Variants in KIF6 observed in about 807,000 individuals in gnomAD.
KIF6 encodes kinesin-like protein KIF6.
A neutral mutation model predicts 112.7 loss-of-function variants in KIF6; 106 were observed. The ratio of observed to expected loss-of-function variants is 0.94; its 90% CI spans 0.80 to 1.11. The LOEUF (loss-of-function observed/expected upper bound fraction) is 1.11. Among genes scored for constraint, KIF6 ranks in the 50% least tolerant of loss-of-function variants. The probability of loss-of-function intolerance (pLI) is 0.00; values close to 1 mark genes in which losing one functional copy is unlikely to be tolerated. For synonymous variants in KIF6, 339 were observed against 339.9 expected (o/e 1.00, Z 0.03); for missense variants, 929 against 964.0 (o/e 0.96, Z 0.48).
rs372112338 is a variant in KIF6, at chr6:39,634,962, A to C, written c.400-4T>G. The C allele has an allele frequency of 8.7e-6, 13 of 1,492,522 alleles. No homozygotes were observed. The highest frequency in any genetic ancestry group is 1.1e-5 in the South Asian group (1 of 88,466). 92.5% of individuals were successfully genotyped at this position (1,492,522 alleles called of 1,614,324 possible). On this transcript the variant is annotated splice_region_variant and splice_polypyrimidine_tract_variant and intron_variant, in intron 4 of 22. Coordinates refer to ENST00000287152, the MANE Select transcript of KIF6 (RefSeq NM_145027.6). The stretch of plus-strand genomic sequence containing the variant: ...TTGTATATATTTTGCTGCTGTCCTG[A>C]TTGGAAAAGGGAAAGGTATTATTTA...
intron 6 of KIF6, among the ~76,000 whole-genome samples, chr6:39,602,029 T>C (rs1782604192): frequency 6.6e-6 from 1 of 152,144 alleles, no homozygotes; most frequent in African/African-American, 2.4e-5. Flanking sequence ...CCCAAGGATA[T>C]TTTGAGAGAT....
intron 3 of KIF6, among the ~76,000 whole-genome samples, chr6:39,652,609 C>A (rs934654048): frequency 6.6e-6 from 1 of 151,648 alleles, no homozygotes; most frequent in Non-Finnish European, 1.5e-5. Context: ...TTTATATATT[C>A]AAATTTTTCT....
At chr6:39,683,444 G>T (rs1787652827) in intron 3 of KIF6, among the ~76,000 whole-genome samples, 1 of 152,248 alleles carries the variant, frequency 6.6e-6, no homozygotes, top group African/African-American at 2.4e-5. Context: ...GACAGATTTG[G>T]ATAAAGAGGA....
intron 13 of KIF6, among the ~76,000 whole-genome samples, chr6:39,480,868 T>C (rs114518227): frequency 0.023 from 3,508 of 152,298 alleles, 66 homozygotes; most frequent in Middle Eastern, 0.044. Flanking sequence ...GAGCCTCAAA[T>C]GATCTTTTGT....
intron 3 of KIF6, among the ~76,000 whole-genome samples, chr6:39,660,241 C>T (rs1786053996): frequency 6.6e-6 from 1 of 152,164 alleles, no homozygotes; most frequent in Admixed American, 6.6e-5. Flanking sequence ...TAGCAAAAGA[C>T]ATTTATGGTG....
chr6:39,400,192 T>A (rs1768585816), intron 15 of KIF6, among the ~76,000 whole-genome samples: 1 of 152,246 alleles, frequency 6.6e-6, no homozygotes, highest in South Asian at 2.1e-4. Context: ...TCCTGGGACA[T>A]GTGGGACTCA....
chr6:39,564,390 T>C (rs549547723), intron 10 of KIF6, among the ~76,000 whole-genome samples: 2 of 152,254 alleles, frequency 1.3e-5, no homozygotes, highest in South Asian at 4.1e-4. Context: ...CTTTGAGGAA[T>C]AGAGTAGAAA....
intron 13 of KIF6, among the ~76,000 whole-genome samples, chr6:39,535,740 C>T (rs1778380761): frequency 6.6e-6 from 1 of 152,142 alleles, no homozygotes; most frequent in African/African-American, 2.4e-5. Context: ...AACTCTCCAC[C>T]CAAAATCAAC....
At chr6:39,428,799 T>C (rs935250804) in intron 14 of KIF6, among the ~76,000 whole-genome samples, 1 of 152,238 alleles carries the variant, frequency 6.6e-6, no homozygotes, top group African/African-American at 2.4e-5. Context: ...CTATGTTAAT[T>C]GGTATGCATA....
At chr6:39,501,569 ACT>A in intron 13 of KIF6, among the ~76,000 whole-genome samples, 1 of 152,182 alleles carries the variant, frequency 6.6e-6, no homozygotes, top group Non-Finnish European at 1.5e-5. Flanking sequence ...ATGCAAAGAC[ACT>A]AAGAATCATG....
chr6:39,665,065 G>A (rs1271458681), intron 3 of KIF6, among the ~76,000 whole-genome samples: 1 of 152,116 alleles, frequency 6.6e-6, no homozygotes, highest in Non-Finnish European at 1.5e-5. Context: ...TAAACAAATA[G>A]GTCGAAAAGG....
At chr6:39,460,661 C>T (rs1156878217) in intron 13 of KIF6, among the ~76,000 whole-genome samples, 1 of 143,230 alleles carries the variant, frequency 7.0e-6, no homozygotes, top group Non-Finnish European at 1.5e-5. Flanking sequence ...TAAAAAAGAA[C>T]ATAATAGTAC....
chr6:39,613,163 A>G, intron 6 of KIF6, 26 bp downstream of exon 6: 1 of 1,537,984 alleles, frequency 6.5e-7, no homozygotes, highest in Non-Finnish European at 8.7e-7. Context: ...TGTTGAAGAA[A>G]CAGCTTGCAG....
At chr6:39,679,273 TC>T (rs1173755655) in intron 3 of KIF6, among the ~76,000 whole-genome samples, 1 of 152,214 alleles carries the variant, frequency 6.6e-6, no homozygotes, top group African/African-American at 2.4e-5. Context: ...GATATCTCAG[TC>T]TCTTTTTAAA....
chr6:39,456,595 G>A (rs989238787), intron 13 of KIF6, among the ~76,000 whole-genome samples: 16 of 124,032 alleles, frequency 1.3e-4, no homozygotes, highest in African/African-American at 4.9e-4. Context: ...AAAGAGTCAA[G>A]ACCCATCAGT....
intron 19 of KIF6, among the ~76,000 whole-genome samples, chr6:39,355,660 C>A (rs997046897): frequency 6.6e-6 from 1 of 151,878 alleles, no homozygotes; most frequent in Non-Finnish European, 1.5e-5. Flanking sequence ...TGGGGTTTCA[C>A]CATGTTGGCC....
chr6:39,408,512 A>C (rs1476973411), intron 15 of KIF6, among the ~76,000 whole-genome samples: 1 of 152,166 alleles, frequency 6.6e-6, no homozygotes, highest in Non-Finnish European at 1.5e-5. Context: ...CACCATAAAA[A>C]ATGGTGAGTT....
intron 3 of KIF6, among the ~76,000 whole-genome samples, chr6:39,702,097 G>T (rs539267485): frequency 1.3e-4 from 20 of 152,264 alleles, no homozygotes; most frequent in Middle Eastern, 6.8e-3. Context: ...GATCTCTTAG[G>T]ACCCTTCTCC....
At chr6:39,400,479 T>C (rs1768612968) in intron 15 of KIF6, among the ~76,000 whole-genome samples, 1 of 152,230 alleles carries the variant, frequency 6.6e-6, no homozygotes, top group Non-Finnish European at 1.5e-5. Context: ...GGCCAGGCCT[T>C]GTGGGCTCCA....
Sources: gnomAD v4.1 joint callset for allele counts (sites outside exome capture counted in the v4.1 genomes callset) on GRCh38, gnomAD v4.1.1 for gene constraint, MANE v1.5 for transcripts, NCBI Gene and HGNC (gene_info 2026-07-23, HGNC 2026-07-21) for gene names.